Variants in SLC22A17 observed in about 807,000 individuals in gnomAD.
SLC22A17 encodes the protein 24p3 receptor.
In SLC22A17, 38 loss-of-function variants were observed where a neutral mutation model predicts 53.6. That is an observed-to-expected ratio of 0.71 (90% CI 0.55 to 0.93). The LOEUF (loss-of-function observed/expected upper bound fraction) is 0.93. Among genes scored for constraint, SLC22A17 ranks in the 40% least tolerant of loss-of-function variants. The pLI, the probability that SLC22A17 is intolerant of heterozygous loss-of-function variation, is 0.00. For missense variants in SLC22A17, 704 were observed against 791.0 expected, an observed-to-expected ratio of 0.89 and a Z score of 1.32; for synonymous variants, 379 against 353.0, an observed-to-expected ratio of 1.07 and a Z score of -0.82.
In SLC22A17 at chr14:23,348,779, C is replaced by T; in HGVS notation, c.860-108G>A. ...GGAGGACAGAGAGAGAGGTCAGACCCAGAGTGGAGGCTGCAGCCATTGCCT... is the reference window on the plus strand; with the variant it reads ...GGAGGACAGAGAGAGAGGTCAGACCTAGAGTGGAGGCTGCAGCCATTGCCT... On this transcript the variant is annotated intron_variant, in intron 4 of 9. Coordinates refer to ENST00000397267, the Ensembl canonical transcript of SLC22A17. The surrounding 1 kb of genome is among the most constrained non-coding windows in gnomAD (Gnocchi z 4.5). 1.6e-6 allele frequency: 2 copies of T among 1,222,286 alleles called. No homozygotes were observed. Among genetic ancestry groups the T allele is most frequent in the Non-Finnish European group, 2.2e-6 (2 of 897,578 alleles). 75.7% of individuals were successfully genotyped at this position (1,222,286 alleles called of 1,614,324 possible). A position where few individuals can be genotyped will look rare whatever the true frequency, so the allele number is the denominator to read the frequency against.
In SLC22A17 at chr14:23,352,134, C is replaced by T; in HGVS notation, c.414G>A (p.Trp138Ter). 1 of 1,576,070 alleles carries T rather than the reference C, an allele frequency of 6.3e-7. No individual in the cohort carries two copies. The change falls in exon 2 of 10, where the codon TGG becomes TGA. Residue 138 changes from tryptophan (W) to a stop codon, truncating the protein, a stop_gained. Transcript: ENST00000397267. LOFTEE classifies it high-confidence loss of function. The surrounding 1 kb of genome is among the most constrained non-coding windows in gnomAD (Gnocchi z 7.2). Reference sequence around the variant, plus strand: ...CGCCGCTGGCATTGGGAGGCTGCTCCCAGCCAGAGGCATTAGGGGGGAAGG... The same window carrying T: ...CGCCGCTGGCATTGGGAGGCTGCTCTCAGCCAGAGGCATTAGGGGGGAAGG...
exon 10 of SLC22A17, chr14:23,346,909 A>G: frequency 6.5e-7 from 1 of 1,538,644 alleles, no homozygotes; most frequent in Non-Finnish European, 8.7e-7. Flanking sequence ...GCGCCCCTAG[A>G]GCCATGATCA....
At position 23,348,849 on chromosome 14, in the gene SLC22A17, C is replaced by A; in HGVS notation, c.860-178G>T. 1.5e-6 allele frequency: 1 copy of A among 668,034 alleles called. No homozygotes were observed. Among genetic ancestry groups the A allele is most frequent in the Non-Finnish European group, 2.5e-6 (1 of 400,896 alleles). 41.4% of individuals were successfully genotyped at this position (668,034 alleles called of 1,614,324 possible). On this transcript the variant is annotated intron_variant, in intron 4 of 9. Transcript: ENST00000397267. The surrounding 1 kb of genome is among the most constrained non-coding windows in gnomAD (Gnocchi z 4.5). ...GGCAAGGACTGGGGAGACTGTTCAG[C>A]CCTCTCTCCTCTCCTGCTCAAACCT...
chr14:23,351,729 C>T (rs1595014418), intron 3 of SLC22A17, 23 bp downstream of exon 3: 3 of 1,603,306 alleles, frequency 1.9e-6, no homozygotes, highest in Non-Finnish European at 2.6e-6. Flanking sequence ...TTCTACCAGC[C>T]CTGCCCCCAC....
chr14:23,348,686 G>A lies in SLC22A17; in HGVS notation c.860-15C>T, dbSNP rs1180263280. ...CAGCTCCAGGCCTGGAGATACAGCA[G>A]GGGTGGAGAGAGGAGAGGGAGGCCA... On this transcript the variant is annotated splice_polypyrimidine_tract_variant and intron_variant, in intron 4 of 9. Coordinates refer to ENST00000397267, the Ensembl canonical transcript of SLC22A17. The surrounding 1 kb of genome is among the most constrained non-coding windows in gnomAD (Gnocchi z 4.5). 2.5e-6 allele frequency: 4 copies of A among 1,596,924 alleles called. No individual in the cohort carries two copies. The highest frequency in any genetic ancestry group is 1.8e-5 in the Admixed American group (1 of 56,742).
At chr14:23,350,778 G>T (rs1418659562) in intron 3 of SLC22A17, 1 of 152,188 alleles carries the variant, frequency 6.6e-6, no homozygotes, top group Non-Finnish European at 1.5e-5. Flanking sequence ...CTGGTCTGTG[G>T]CAATGAGGCC....
Position 23,348,865 on chromosome 14 carries a change from G to C in SLC22A17, c.860-194C>G, listed in dbSNP as rs1889427390. The stretch of plus-strand genomic sequence containing the variant: ...ACTGTTCAGCCCTCTCTCCTCTCCT[G>C]CTCAAACCTAGGAGGGCTCTAGGGC... On this transcript the variant is annotated intron_variant, in intron 4 of 9. Transcript: ENST00000397267. This position sits in a 1 kb window ranked among gnomAD's most constrained non-coding sequence, Gnocchi z 4.5. 1 of 635,064 alleles carries C rather than the reference G, an allele frequency of 1.6e-6. No homozygotes were observed. Among genetic ancestry groups the C allele is most frequent in the South Asian group, 2.0e-5 (1 of 49,032 alleles). The allele number at this position is 635,064 out of a possible 1,614,324, so 39.3% of individuals were successfully genotyped here. A position where few individuals can be genotyped will look rare whatever the true frequency, so the allele number is the denominator to read the frequency against.
chr14:23,351,043 T>G (rs996376671), intron 3 of SLC22A17: 3 of 152,258 alleles, frequency 2.0e-5, no homozygotes, highest in Non-Finnish European at 1.5e-5. Flanking sequence ...GAATCAGAGA[T>G]GAGATTTTTG....
At chr14:23,349,515 G>A in intron 3 of SLC22A17, 89 bp from the exon 4 acceptor site, 1 of 1,425,360 alleles carries the variant, frequency 7.0e-7, no homozygotes, top group Middle Eastern at 2.6e-4. Flanking sequence ...TTCAGAGCTA[G>A]AGGTATGAGA....
chr14:23,352,296 G>C lies in SLC22A17; in HGVS notation c.252C>G (p.Leu84=), dbSNP rs1889692556. ...CGCCGCCCAGCGCCCCCACCTGGGCGAGCAGCGCCTCAAAGCTGAGGGGGC... is the reference window on the plus strand; with the variant it reads ...CGCCGCCCAGCGCCCCCACCTGGGCCAGCAGCGCCTCAAAGCTGAGGGGGC... Residue 84 remains leucine, a synonymous_variant, in exon 2 of 10, where the codon CTC becomes CTG. Transcript: ENST00000397267. The surrounding 1 kb of genome is among the most constrained non-coding windows in gnomAD (Gnocchi z 7.2). 1 of 1,397,624 alleles carries C rather than the reference G, an allele frequency of 7.2e-7. No individual in the cohort carries two copies. Among genetic ancestry groups the C allele is most frequent in the Admixed American group, 3.3e-5 (1 of 30,768 alleles). The allele number at this position is 1,397,624 out of a possible 1,614,324, so 86.6% of individuals were successfully genotyped here.
rs2138522384 is a variant in SLC22A17 at position 23,352,588 on chromosome 14, C to T, written c.96+58G>A. The stretch of plus-strand genomic sequence containing the variant: ...CGCAGGAGGAAAATGCCAGACGCTC[C>T]GCGGGGGCGGGGGTGCTGGGAGAGG... On this transcript the variant is annotated intron_variant, in intron 1 of 9. Transcript: ENST00000397267. This position sits in a 1 kb window ranked among gnomAD's most constrained non-coding sequence, Gnocchi z 7.2. 4.8e-6 allele frequency: 2 copies of T among 414,106 alleles called. No individual in the cohort carries two copies. The highest frequency in any genetic ancestry group is 3.6e-5 in the East Asian group (1 of 28,090). 25.7% of individuals were successfully genotyped at this position (414,106 alleles called of 1,614,324 possible).
intron 3 of SLC22A17, chr14:23,351,071 T>C (rs1175587183): frequency 1.3e-5 from 2 of 152,180 alleles, no homozygotes; most frequent in Admixed American, 1.3e-4. Flanking sequence ...GGAAGAGTTA[T>C]TGGTTGCTGG....
chr14:23,347,038 T>A lies in SLC22A17; in HGVS notation c.1661+63A>T. The A allele has an allele frequency of 6.6e-7, 1 of 1,524,480 alleles. No individual in the cohort carries two copies. The highest frequency in any genetic ancestry group is 8.8e-7 in the Non-Finnish European group (1 of 1,134,162). 94.4% of individuals were successfully genotyped at this position (1,524,480 alleles called of 1,614,324 possible). On this transcript the variant is annotated intron_variant, in intron 9 of 9. Coordinates refer to ENST00000397267, the Ensembl canonical transcript of SLC22A17. This position sits in a 1 kb window ranked among gnomAD's most constrained non-coding sequence, Gnocchi z 5.1. ...AGCCCGCAGGCCCTGTCCTCAGGGGTGGGGTGGGGGAGCGGGAGGCGAGGG... is the reference window on the plus strand; with the variant it reads ...AGCCCGCAGGCCCTGTCCTCAGGGGAGGGGTGGGGGAGCGGGAGGCGAGGG...
chr14:23,347,823 G>A lies in SLC22A17; in HGVS notation c.1277+68C>T. 6.2e-7 allele frequency: 1 copy of A among 1,612,136 alleles called. No homozygotes were observed. The highest frequency in any genetic ancestry group is 8.5e-7 in the Non-Finnish European group (1 of 1,178,644). On this transcript the variant is annotated intron_variant, in intron 7 of 9. Transcript: ENST00000397267. This position sits in a 1 kb window ranked among gnomAD's most constrained non-coding sequence, Gnocchi z 5.1. ...GATGGTCCTCCGCAGGGGTCCCCGG[G>A]CCTTCCCACCCAGCCAGCCCCCATT...
Position 23,348,397 on chromosome 14 carries a change from G to A in SLC22A17, c.1026-91C>T. The A allele has an allele frequency of 3.2e-6, 5 of 1,584,324 alleles. No homozygotes were observed. Among genetic ancestry groups the A allele is most frequent in the Non-Finnish European group, 4.3e-6 (5 of 1,161,398 alleles). On this transcript the variant is annotated intron_variant, in intron 5 of 9. Transcript: ENST00000397267. The surrounding 1 kb of genome is among the most constrained non-coding windows in gnomAD (Gnocchi z 4.5). Reference sequence around the variant, plus strand: ...TGCACCTCTGAGGGACTGGGGCTGGGGTAGGCCTGGACCAGGGGTAGTTGG... The same window carrying A: ...TGCACCTCTGAGGGACTGGGGCTGGAGTAGGCCTGGACCAGGGGTAGTTGG...
At position 23,352,203 on chromosome 14, in the gene SLC22A17, G is replaced by A; in HGVS notation, c.345C>T (p.Asp115=). Residue 115 remains aspartate (D), a synonymous_variant, in exon 2 of 10, where the codon GAC becomes GAT. Coordinates refer to ENST00000397267, the Ensembl canonical transcript of SLC22A17. The surrounding 1 kb of genome is among the most constrained non-coding windows in gnomAD (Gnocchi z 7.2). ...GCGGGGGCGCCAGCGTGAAGATGGG[G>A]TCCGAGGCCATGCCCAGAGCCACGA... The A allele has an allele frequency of 6.6e-7, 1 of 1,504,962 alleles. No homozygotes were observed. The highest frequency in any genetic ancestry group is 8.8e-7 in the Non-Finnish European group (1 of 1,131,408). The allele number at this position is 1,504,962 out of a possible 1,614,324, so 93.2% of individuals were successfully genotyped here.
chr14:23,347,867 C>T lies in SLC22A17; in HGVS notation c.1277+24G>A, dbSNP rs1889329757. 1 of 1,613,190 alleles carries T rather than the reference C, an allele frequency of 6.2e-7. No individual in the cohort carries two copies. The highest frequency in any genetic ancestry group is 8.5e-7 in the Non-Finnish European group (1 of 1,179,158). On this transcript the variant is annotated intron_variant, in intron 7 of 9. Transcript: ENST00000397267. This position sits in a 1 kb window ranked among gnomAD's most constrained non-coding sequence, Gnocchi z 5.1. ...CCCCATTCCAGCTACTGGCCTGGCC[C>T]TCAGCCCAGACACCCAGGCTCACTT...
In SLC22A17 at chr14:23,352,151, G is replaced by A. The variant is rs564578176; in HGVS notation, c.397C>T (p.Pro133Ser). The change falls in exon 2 of 10, where the codon CCT becomes TCT. Residue 133 changes from proline to serine, a missense_variant. By Grantham distance (74) the Pro-to-Ser change is moderately conservative. Coordinates refer to ENST00000397267, the Ensembl canonical transcript of SLC22A17. This position sits in a 1 kb window ranked among gnomAD's most constrained non-coding sequence, Gnocchi z 7.2. ...GGCTGCTCCCAGCCAGAGGCATTAGGGGGGAAGGCCCCGTAGTGGCAATGC... is the reference window on the plus strand; with the variant it reads ...GGCTGCTCCCAGCCAGAGGCATTAGAGGGGAAGGCCCCGTAGTGGCAATGC... The A allele has an allele frequency of 1.9e-5, 30 of 1,566,048 alleles. No homozygotes were observed. The South Asian group carries it at 3.2e-4, about 17-fold the overall frequency.
At chr14:23,346,398 G>T (rs982237181) in exon 10 of SLC22A17, 5 of 450,482 alleles carry the variant, frequency 1.1e-5, no homozygotes, top group Non-Finnish European at 1.9e-5. Flanking sequence ...GTCTTTGGGC[G>T]CAGGATGGAG....
Sources: gnomAD v4.1 joint callset for allele counts on GRCh38, gnomAD v4.1.1 for gene constraint, Gnocchi (gnomAD v3.1) non-coding constraint, MANE v1.5 for transcripts, NCBI Gene and HGNC (gene_info 2026-07-23, HGNC 2026-07-21) for gene names.